PEX5L: variants seen among roughly 807,000 people sequenced by gnomAD.
PEX5L encodes PEX5-related protein.
Under a neutral mutation model 84.0 loss-of-function variants are expected in PEX5L, and 30 were observed. The observed-to-expected ratio is 0.36, with a 90% CI of 0.27 to 0.48. PEX5L has a LOEUF of 0.48. PEX5L is among the 20% of genes least tolerant of loss of function. The probability of loss-of-function intolerance (pLI) is 0.99; values close to 1 mark genes in which losing one functional copy is unlikely to be tolerated. For synonymous variants in PEX5L, 270 were observed against 283.1 expected (o/e 0.95, Z 0.46); for missense variants, 533 against 754.6 (o/e 0.71, Z 3.44).
chr3:180,028,491 A>G (rs1396934529), intron 1 of PEX5L, among the ~76,000 whole-genome samples: 1 of 152,246 alleles, frequency 6.6e-6, no homozygotes, highest in African/African-American at 2.4e-5. Flanking sequence ...CTAAATGCCA[A>G]ACATCTAGCT....
At chr3:179,985,680 T>G (rs1344531414) in intron 1 of PEX5L, among the ~76,000 whole-genome samples, 1 of 152,030 alleles carries the variant, frequency 6.6e-6, no homozygotes, top group African/African-American at 2.4e-5. Flanking sequence ...CCCCTTATTT[T>G]CCTAGTTTGG....
At chr3:180,014,350 G>T (rs1485936828) in intron 1 of PEX5L, among the ~76,000 whole-genome samples, 1 of 152,050 alleles carries the variant, frequency 6.6e-6, no homozygotes, top group Admixed American at 6.5e-5. Flanking sequence ...CGGGCGCCTG[G>T]AGTCCCAGCT....
intron 2 of PEX5L, among the ~76,000 whole-genome samples, chr3:179,930,531 A>C (rs1247474036): frequency 6.6e-6 from 1 of 152,228 alleles, no homozygotes; most frequent in Non-Finnish European, 1.5e-5. Flanking sequence ...GCCTACCCAC[A>C]GAAGTCTCTT....
intron 8 of PEX5L, among the ~76,000 whole-genome samples, chr3:179,825,794 G>A (rs1301428695): frequency 6.6e-6 from 1 of 152,144 alleles, no homozygotes; most frequent in Non-Finnish European, 1.5e-5. Flanking sequence ...AAGAGTAAGC[G>A]TTAAGCGAAA....
At chr3:179,819,199 T>G (rs780798593) in intron 9 of PEX5L, among the ~76,000 whole-genome samples, 1 of 152,226 alleles carries the variant, frequency 6.6e-6, no homozygotes, top group Non-Finnish European at 1.5e-5. Flanking sequence ...TCAAGTCATT[T>G]ACACTTATTC....
intron 2 of PEX5L, among the ~76,000 whole-genome samples, chr3:179,950,398 G>A (rs1560873229): frequency 6.6e-6 from 1 of 151,986 alleles, no homozygotes; most frequent in Non-Finnish European, 1.5e-5. Context: ...AGCATTAGGA[G>A]ATATACCTAA....
chr3:179,823,389 T>C (rs1056908773), intron 8 of PEX5L, among the ~76,000 whole-genome samples: 2 of 152,312 alleles, frequency 1.3e-5, no homozygotes, highest in Admixed American at 6.5e-5. Flanking sequence ...AGTTATAATG[T>C]TTCTTGCTAA....
intron 1 of PEX5L, among the ~76,000 whole-genome samples, chr3:179,997,805 C>A (rs1158370431): frequency 2.6e-5 from 4 of 152,238 alleles, no homozygotes; most frequent in Non-Finnish European, 5.9e-5. Context: ...ACTGACTTGG[C>A]AAATGCCTTT....
chr3:179,819,630 TC>T (rs1460474120), intron 9 of PEX5L, among the ~76,000 whole-genome samples: 1 of 152,198 alleles, frequency 6.6e-6, no homozygotes, highest in Non-Finnish European at 1.5e-5. Context: ...TGCCAAACTG[TC>T]TGTCTGAACA....
intron 2 of PEX5L, among the ~76,000 whole-genome samples, chr3:179,938,241 A>G (rs537499756): frequency 6.6e-6 from 1 of 152,202 alleles, no homozygotes; most frequent in Admixed American, 6.5e-5. Flanking sequence ...TCTTCCTTTC[A>G]TCTATTAAAA....
intron 1 of PEX5L, among the ~76,000 whole-genome samples, chr3:180,011,181 G>A (rs1415336804): frequency 1.3e-5 from 2 of 152,162 alleles, no homozygotes; most frequent in Non-Finnish European, 2.9e-5. Flanking sequence ...AGCAAGGTTA[G>A]CTCTCAATTA....
intron 2 of PEX5L, among the ~76,000 whole-genome samples, chr3:179,949,568 G>T (rs375838838): frequency 6.6e-6 from 1 of 152,124 alleles, no homozygotes; most frequent in East Asian, 1.9e-4. Flanking sequence ...ACACTAAATT[G>T]CCTGTGTTCA....
intron 8 of PEX5L, among the ~76,000 whole-genome samples, chr3:179,832,291 G>C (rs1299031087): frequency 6.6e-6 from 1 of 151,930 alleles, no homozygotes; most frequent in Non-Finnish European, 1.5e-5. Flanking sequence ...TCTCACTTGG[G>C]TGATCCTATT....
At chr3:180,008,499 T>C (rs911137956) in intron 1 of PEX5L, among the ~76,000 whole-genome samples, 1 of 152,226 alleles carries the variant, frequency 6.6e-6, no homozygotes, top group African/African-American at 2.4e-5. Flanking sequence ...TTTTTGGGTA[T>C]CTTTTCAGAA....
intron 3 of PEX5L, among the ~76,000 whole-genome samples, chr3:179,889,263 G>A (rs1578086919): frequency 6.6e-6 from 1 of 152,288 alleles, no homozygotes; most frequent in East Asian, 1.9e-4. Context: ...GGTGGCAGGG[G>A]ACCTGAGTAA....
chr3:179,807,110 C>T (rs937336254), intron 14 of PEX5L, among the ~76,000 whole-genome samples: 1 of 152,182 alleles, frequency 6.6e-6, no homozygotes, highest in Non-Finnish European at 1.5e-5. Context: ...CAGACCTTAA[C>T]GACGAAGGAC....
In PEX5L at chr3:179,996,836, A is replaced by G. The variant is rs368844401; in HGVS notation, c.22-25171T>C. On this transcript the variant is annotated intron_variant, in intron 1 of 14. Coordinates refer to ENST00000467460, the MANE Select transcript of PEX5L (RefSeq NM_016559.3). The stretch of plus-strand genomic sequence containing the variant: ...AGCTACTGTAATGGACAGCAGAGGC[A>G]AAGCAGCAATCAGAATAGTCTGACT... Among the ~76,000 whole-genome samples, 45 of 152,350 alleles carry G rather than the reference A, an allele frequency of 3.0e-4. No individual in the cohort carries two copies. The East Asian group carries it at 6.7e-3, about 23-fold the overall frequency.
At chr3:179,888,018 C>T (rs1308799492) in intron 3 of PEX5L, 4 of 826,518 alleles carry the variant, frequency 4.8e-6, no homozygotes, top group Non-Finnish European at 7.5e-6. Context: ...AAAGCTCAAG[C>T]CTTTCCTCCC....
rs141289351 is a variant in PEX5L, at chr3:179,931,212, G to A, written c.94-32966C>T. 7.4e-3 allele frequency among the ~76,000 whole-genome samples: 1,134 copies of A among 152,314 alleles called. 6 individuals carry two copies. The highest frequency in any genetic ancestry group is 0.018 in the South Asian group (86 of 4,826). On this transcript the variant is annotated intron_variant, in intron 2 of 14. Coordinates refer to ENST00000467460, the MANE Select transcript of PEX5L (RefSeq NM_016559.3). ...GTGTTCAAGATAGAAGGCTAGAGTC[G>A]AATTGGTGCCAGTATTGGGACCTCT...
Sources: gnomAD v4.1 joint callset for allele counts (sites outside exome capture counted in the v4.1 genomes callset) on GRCh38, gnomAD v4.1.1 for gene constraint, MANE v1.5 for transcripts, NCBI Gene and HGNC (gene_info 2026-07-23, HGNC 2026-07-21) for gene names.